Variants in MDN1 observed in about 807,000 individuals in gnomAD.
MDN1 encodes midasin AAA ATPase 1.
Under a neutral mutation model 669.2 loss-of-function variants are expected in MDN1, and 266 were observed. That is an observed-to-expected ratio of 0.40 (90% CI 0.36 to 0.44). The LOEUF is 0.44. MDN1 is among the 20% of genes least tolerant of loss of function. MDN1 has a pLI of 1.00. For missense variants in MDN1, 5,940 were observed against 6,754.0 expected (o/e 0.88, Z 4.22); for synonymous variants, 2,385 against 2,457.1 (o/e 0.97, Z 0.87).
intron 55 of MDN1, among the ~76,000 whole-genome samples, chr6:89,701,348 G>A (rs1362568797): frequency 6.6e-6 from 1 of 152,140 alleles, no homozygotes; most frequent in Non-Finnish European, 1.5e-5. Context: ...CACACACAAC[G>A]CCATTTTATA....
At chr6:89,809,942 G>A (rs963686496) in intron 1 of MDN1, among the ~76,000 whole-genome samples, 2 of 124,334 alleles carry the variant, frequency 1.6e-5, no homozygotes, top group African/African-American at 6.1e-5. Flanking sequence ...AGTGAGCCAT[G>A]ATTGTACCAC....
chr6:89,700,323 A>T, intron 56 of MDN1, 29 bp from the exon 57 acceptor site: 1 of 1,549,348 alleles, frequency 6.5e-7, no homozygotes, highest in Non-Finnish European at 8.9e-7. Context: ...GTTGTATGAG[A>T]GCACAATGGT....
intron 31 of MDN1, among the ~76,000 whole-genome samples, chr6:89,741,104 C>T (rs1023836396): frequency 2.0e-5 from 3 of 152,112 alleles, no homozygotes; most frequent in Admixed American, 6.6e-5. Context: ...TGCTGGCTCA[C>T]GCCTGTAATC....
intron 1 of MDN1, among the ~76,000 whole-genome samples, chr6:89,811,725 T>G (rs1247896477): frequency 6.6e-6 from 1 of 152,098 alleles, no homozygotes; most frequent in Non-Finnish European, 1.5e-5. Context: ...ATTATAGGTG[T>G]GAGCCACCGC....
intron 64 of MDN1, 102 bp downstream of exon 64, chr6:89,690,571 T>G: frequency 7.1e-7 from 1 of 1,408,060 alleles, no homozygotes; most frequent in Non-Finnish European, 9.8e-7. Flanking sequence ...AATACATACA[T>G]ACAGAGAGAG....
At chr6:89,651,313 A>G (rs1177536052) in intron 95 of MDN1, among the ~76,000 whole-genome samples, 1 of 120,972 alleles carries the variant, frequency 8.3e-6, no homozygotes, top group African/African-American at 3.3e-5. Flanking sequence ...TGACAGAGCG[A>G]GATTCCGTCT....
At chr6:89,675,668 G>A (rs994663263) in intron 77 of MDN1, 89 bp from the exon 78 acceptor site, 10 of 1,052,282 alleles carry the variant, frequency 9.5e-6, no homozygotes, top group African/African-American at 7.8e-5. Context: ...TACTATAAGC[G>A]TCAGACATGC....
chr6:89,808,720 T>G lies in MDN1; in HGVS notation c.103-5166A>C, dbSNP rs76224857. Among the ~76,000 whole-genome samples, 1,453 of 152,280 alleles carry G rather than the reference T, an allele frequency of 9.5e-3. 12 individuals are homozygous for G. The highest frequency in any genetic ancestry group is 0.016 in the Non-Finnish European group (1,074 of 68,026). ...CCACTGCTGAACTTCGTTCTTCCTC[T>G]GAGTCAGTCCTATAAGTGATTCCAG... On this transcript the variant is annotated intron_variant, in intron 1 of 101. Coordinates refer to ENST00000369393, the MANE Select transcript of MDN1 (RefSeq NM_014611.3).
rs201857636 is a variant in MDN1 at position 89,812,942 on chromosome 6, AT to A, written c.102+6563del. Among the ~76,000 whole-genome samples the A allele has an allele frequency of 6.2e-3, 889 of 143,984 alleles. 11 individuals are homozygous for A. The highest frequency in any genetic ancestry group is 0.037 in the East Asian group (183 of 4,888). 94.5% of individuals were successfully genotyped at this position (143,984 alleles called of 152,430 possible). On this transcript the variant is annotated intron_variant, in intron 1 of 101. Transcript: ENST00000369393. ...AGTGAGACTCCCCATCTCTACAAAA[AT>A]TTTTTTTTTTTTTTGAGACGGAGTT...
rs778300822 is a variant in MDN1 at position 89,745,395 on chromosome 6, C to G, written c.4056G>C (p.Gln1352His). 1.9e-6 allele frequency: 3 copies of G among 1,614,044 alleles called. No individual in the cohort carries two copies. The highest frequency in any genetic ancestry group is 2.5e-6 in the Non-Finnish European group (3 of 1,179,940). The change falls in exon 29 of 102, where the codon CAG (glutamine) becomes CAC (histidine). Residue 1352 changes from glutamine to histidine, a missense_variant. By Grantham distance (24) the Gln-to-His change is conservative. This residue lies in a region of MDN1 where 2,292 missense variants were observed against 2,638.3 expected (regional missense o/e 0.87). Transcript: ENST00000369393. Reference protein sequence around the residue: ...VLKLLGKLSTQISTLECNFGH... With the variant: ...VLKLLGKLSTHISTLECNFGH... The stretch of plus-strand genomic sequence containing the variant: ...CAAAGTTACACTCCAATGTGGATAT[C>G]TGAGTAGACAATTTACCTATCCAAG...
rs1812083131 is a variant in MDN1, at chr6:89,687,332, A to G, written c.11450+12T>C. 6.2e-7 allele frequency: 1 copy of G among 1,611,230 alleles called. No individual in the cohort carries two copies. The highest frequency in any genetic ancestry group is 1.3e-5 in the African/African-American group (1 of 74,878). ...CAACCTAAGTTTAGGAGAGGGAAGG[A>G]GAGTCACTTACTTCAGCTCCAGTTT... On this transcript the variant is annotated intron_variant, in intron 68 of 101. Coordinates refer to ENST00000369393, the MANE Select transcript of MDN1 (RefSeq NM_014611.3).
At chr6:89,780,325 A>T in intron 10 of MDN1, 32 bp from the exon 11 acceptor site, 2 of 1,429,790 alleles carry the variant, frequency 1.4e-6, no homozygotes, top group South Asian at 2.7e-5. Context: ...GAAAAAACAA[A>T]GAAAAGACCA....
At chr6:89,681,230 G>C (rs1043660111) in intron 73 of MDN1, among the ~76,000 whole-genome samples, 1 of 151,936 alleles carries the variant, frequency 6.6e-6, no homozygotes, top group Admixed American at 6.5e-5. Context: ...CTGAAGTGCA[G>C]TGACCCGATG....
intron 71 of MDN1, 103 bp downstream of exon 71, chr6:89,684,773 C>T (rs2128306995): frequency 1.5e-6 from 1 of 687,198 alleles, no homozygotes; most frequent in East Asian, 2.7e-5. Flanking sequence ...CACCTCTATT[C>T]CCCTAGGTCC....
rs777704300 is a variant in MDN1 at position 89,789,911 on chromosome 6, T to C, written c.1099A>G (p.Met367Val). 3 of 1,608,494 alleles carry C rather than the reference T, an allele frequency of 1.9e-6. No individual in the cohort carries two copies. Among genetic ancestry groups the C allele is most frequent in the South Asian group, 1.1e-5 (1 of 89,684 alleles). The part of the protein sequence containing the change: ...VQLGDQTDSK[M>V]LLGMYRCTDV... ...GTGCAGCGATACATCCCCAAAAGCA[T>C]CTGCAGAAAGAAGATAAAGTAATTA... Residue 367 changes from methionine to valine, a missense_variant and splice_region_variant, in exon 7 of 102, where the codon ATG becomes GTG. Met to Val is a conservative substitution (Grantham distance 21). This residue lies in a region of MDN1 where 1,203 missense variants were observed against 1,268.9 expected (regional missense o/e 0.95). Transcript: ENST00000369393.
chr6:89,818,965 T>C (rs188876868), intron 1 of MDN1, among the ~76,000 whole-genome samples: 28 of 152,326 alleles, frequency 1.8e-4, no homozygotes, highest in Non-Finnish European at 4.0e-4. Flanking sequence ...ACTTCAGCTG[T>C]TGTAAGTGTT....
intron 50 of MDN1, among the ~76,000 whole-genome samples, chr6:89,709,618 T>A (rs1813747871): frequency 6.6e-6 from 1 of 152,370 alleles, no homozygotes; most frequent in South Asian, 2.1e-4. Flanking sequence ...AAAGGAATTA[T>A]TTAGCACAAA....
At chr6:89,671,163 AATTGCACAAC>A (rs2128303867) in intron 82 of MDN1, 83 bp from the exon 83 acceptor site, 2 of 1,438,762 alleles carry the variant, frequency 1.4e-6, no homozygotes, top group South Asian at 1.3e-5. Context: ...TAGTGGTGGT[AATTGCACAAC>A]ATTGTGAATG....
At position 89,714,757 on chromosome 6, in the gene MDN1, A is replaced by C. The variant is rs1409693039; in HGVS notation, c.6861-6T>G. The C allele has an allele frequency of 5.6e-6, 9 of 1,604,122 alleles. No homozygotes were observed. Among genetic ancestry groups the C allele is most frequent in the Non-Finnish European group, 7.7e-6 (9 of 1,175,524 alleles). On this transcript the variant is annotated splice_region_variant and splice_polypyrimidine_tract_variant and intron_variant, in intron 45 of 101. Transcript: ENST00000369393. ...GATCCATCGAGAGGAAAAGTCTAGA[A>C]AAATAGCAATTCAAAGAAAAAAATG...
Sources: gnomAD v4.1 joint callset for allele counts (sites outside exome capture counted in the v4.1 genomes callset) on GRCh38, gnomAD v4.1.1 for gene constraint, gnomAD v4.1.1 regional missense constraint, MANE v1.5 for transcripts, NCBI Gene and HGNC (gene_info 2026-07-23, HGNC 2026-07-21) for gene names.